Variants in PRR5L observed in about 807,000 individuals in gnomAD.
PRR5L encodes the protein proline rich 5 like.
Under a neutral mutation model 36.4 loss-of-function variants are expected in PRR5L, and 21 were observed. The observed-to-expected ratio is 0.58, with a 90% confidence interval of 0.41 to 0.83. The LOEUF is 0.83. Ranked by LOEUF, PRR5L falls within the 40% of genes least tolerant of loss-of-function variation. The pLI is 0.00. For synonymous variants in PRR5L, 188 were observed against 197.0 expected (o/e 0.95, Z 0.38); for missense variants, 381 against 473.3 (o/e 0.80, Z 1.81).
chr11:36,302,679 C>T (rs1322235527), intron 1 of PRR5L, among the ~76,000 whole-genome samples: 4 of 152,030 alleles, frequency 2.6e-5, no homozygotes, highest in Admixed American at 6.6e-5. Context: ...CCCAGCTACT[C>T]GGGAGGCTGA....
At chr11:36,376,047 G>A (rs1274904416) in intron 1 of PRR5L, 1 of 770,620 alleles carries the variant, frequency 1.3e-6, no homozygotes, top group Non-Finnish European at 2.0e-6. Flanking sequence ...CAGATCTCCC[G>A]TTGTGTGAGA....
At chr11:36,429,458 C>G (rs1343757380) in intron 4 of PRR5L, among the ~76,000 whole-genome samples, 4 of 152,186 alleles carry the variant, frequency 2.6e-5, no homozygotes, top group Non-Finnish European at 5.9e-5. Context: ...TTAACTCATG[C>G]TATCACCTGG....
At chr11:36,427,892 G>T (rs1033899857) in intron 4 of PRR5L, among the ~76,000 whole-genome samples, 9 of 152,180 alleles carry the variant, frequency 5.9e-5, no homozygotes, top group African/African-American at 2.2e-4. Flanking sequence ...CTTCCCACTG[G>T]CCTGCCACTG....
In PRR5L at chr11:36,433,595, G is replaced by A. The variant is rs186668256; in HGVS notation, c.352+1685G>A. On this transcript the variant is annotated intron_variant, in intron 5 of 8. Coordinates refer to ENST00000530639, the MANE Select transcript of PRR5L (RefSeq NM_001160167.2). ...ACAGAGTCTCACTTCTGTGGCCCAG[G>A]CTGGAGTACAGTGGCATGATTTCGT... Among the ~76,000 whole-genome samples the A allele has an allele frequency of 2.3e-4, 35 of 152,266 alleles. 1 individual carries two copies. Among genetic ancestry groups the A allele is most frequent in the African/African-American group, 7.9e-4 (33 of 41,522 alleles).
chr11:36,309,284 C>G (rs1856470061), intron 1 of PRR5L, among the ~76,000 whole-genome samples: 1 of 152,132 alleles, frequency 6.6e-6, no homozygotes. Flanking sequence ...ATTACTAAAC[C>G]ATGTGTTTCA....
intron 1 of PRR5L, among the ~76,000 whole-genome samples, chr11:36,326,049 C>T (rs1342219590): frequency 1.3e-5 from 2 of 152,038 alleles, no homozygotes; most frequent in East Asian, 1.9e-4. Flanking sequence ...TATTAATTTA[C>T]ACTACCAGCA....
rs1857283722 is a variant in PRR5L, at chr11:36,377,329, G to T, written c.-125-23668G>T. On this transcript the variant is annotated intron_variant, in intron 1 of 8. Coordinates refer to ENST00000530639, the MANE Select transcript of PRR5L (RefSeq NM_001160167.2). The surrounding 1 kb of genome is among the most constrained non-coding windows in gnomAD (Gnocchi z 5.1). The stretch of plus-strand genomic sequence containing the variant: ...ACGGGCTGTGAGCAAGCCCTGGGAC[G>T]GCCCGGCTGCGGACCCCGCGCTGGG... 6.6e-6 allele frequency among the ~76,000 whole-genome samples: 1 copy of T among 152,206 alleles called. No homozygotes were observed. Among genetic ancestry groups the T allele is most frequent in the African/African-American group, 2.4e-5 (1 of 41,474 alleles).
intron 1 of PRR5L, among the ~76,000 whole-genome samples, chr11:36,320,921 T>C (rs1856608604): frequency 6.6e-6 from 1 of 152,212 alleles, no homozygotes; most frequent in Non-Finnish European, 1.5e-5. Flanking sequence ...TAAAGAGAAA[T>C]TGTTATTACT....
intron 1 of PRR5L, among the ~76,000 whole-genome samples, chr11:36,351,081 AAT>A (rs1276254760): frequency 2.6e-5 from 3 of 116,740 alleles, no homozygotes; most frequent in South Asian, 2.4e-4. Context: ...TATATTTATA[AAT>A]ATATGTATTT....
intron 5 of PRR5L, among the ~76,000 whole-genome samples, chr11:36,432,703 G>C (rs975649701): frequency 1.3e-5 from 2 of 152,162 alleles, no homozygotes; most frequent in Admixed American, 1.3e-4. Flanking sequence ...CTGGCACACA[G>C]GCGAACATAC....
chr11:36,305,229 T>C (rs1856418487), intron 1 of PRR5L, among the ~76,000 whole-genome samples: 2 of 152,184 alleles, frequency 1.3e-5, no homozygotes, highest in African/African-American at 2.4e-5. Context: ...GGATCCAACA[T>C]GGATGACCTT....
chr11:36,400,427 C>T (rs915169699), intron 1 of PRR5L, among the ~76,000 whole-genome samples: 1 of 152,174 alleles, frequency 6.6e-6, no homozygotes, highest in Non-Finnish European at 1.5e-5. Flanking sequence ...TTCTGCAACT[C>T]ACAGTGGTTA....
intron 7 of PRR5L, 140 bp downstream of exon 7, chr11:36,446,580 T>G: frequency 1.1e-6 from 1 of 935,258 alleles, no homozygotes. Context: ...TTGGCCCGTG[T>G]TCATTCATTC....
At chr11:36,341,957 G>A (rs569710414) in intron 1 of PRR5L, among the ~76,000 whole-genome samples, 1 of 152,352 alleles carries the variant, frequency 6.6e-6, no homozygotes, top group East Asian at 1.9e-4. Context: ...GGTGGACATT[G>A]GACAGCTAAT....
At position 36,365,889 on chromosome 11, in the gene PRR5L, G is replaced by A. The variant is rs1857139792; in HGVS notation, c.-125-35108G>A. 2.6e-5 allele frequency among the ~76,000 whole-genome samples: 4 copies of A among 152,312 alleles called. 1 individual carries two copies. The Middle Eastern group carries it at 0.01, about 389-fold the overall frequency. On this transcript the variant is annotated intron_variant, in intron 1 of 8. Transcript: ENST00000530639. Reference sequence around the variant, plus strand: ...AAGGGCAGCCATCCACCTGGCTGGCGTGTCTCACCTTGACTGAGTGAGACA... The same window carrying A: ...AAGGGCAGCCATCCACCTGGCTGGCATGTCTCACCTTGACTGAGTGAGACA...
intron 1 of PRR5L, among the ~76,000 whole-genome samples, chr11:36,345,459 G>A (rs72950049): frequency 0.023 from 3,529 of 152,208 alleles, 79 homozygotes; most frequent in East Asian, 0.098. Context: ...CCCGTGGATA[G>A]CATTTTCAGG....
intron 1 of PRR5L, among the ~76,000 whole-genome samples, chr11:36,319,284 G>C (rs1002608912): frequency 2.0e-5 from 3 of 152,214 alleles, no homozygotes; most frequent in South Asian, 2.1e-4. Flanking sequence ...GTTTGGAGTT[G>C]ATGCAGTCAT....
intron 4 of PRR5L, chr11:36,425,714 A>G (rs1858367194): frequency 6.6e-6 from 1 of 152,144 alleles, no homozygotes; most frequent in African/African-American, 2.4e-5. Context: ...GCCTGGGAGT[A>G]AGTTGTGTTT....
chr11:36,396,957 G>T (rs933717164), intron 1 of PRR5L, among the ~76,000 whole-genome samples: 1 of 152,132 alleles, frequency 6.6e-6, no homozygotes, highest in African/African-American at 2.4e-5. Flanking sequence ...TGGTAGCATG[G>T]AAAAGTGGGA....
Sources: allele counts gnomAD v4.1 joint callset (sites outside exome capture counted in the v4.1 genomes callset), GRCh38; gene constraint gnomAD v4.1.1; non-coding constraint Gnocchi (gnomAD v3.1); transcripts MANE v1.5; gene names NCBI Gene and HGNC (gene_info 2026-07-23, HGNC 2026-07-21).